The following EVI5 variants were observed in gnomAD, a reference collection of about 807,000 sequenced individuals.
EVI5 encodes the protein ecotropic viral integration site 5.
A neutral mutation model predicts 112.0 loss-of-function variants in EVI5; 73 were observed. The ratio of observed to expected loss-of-function variants is 0.65; its 90% CI spans 0.54 to 0.79. EVI5 has a LOEUF of 0.79. EVI5 is among the 30% of genes least tolerant of loss of function. The probability of loss-of-function intolerance (pLI) is 0.00; values close to 1 mark genes in which losing one functional copy is unlikely to be tolerated. For missense variants in EVI5, 900 were observed against 968.8 expected (o/e 0.93, Z 0.94); for synonymous variants, 305 against 319.9 (o/e 0.95, Z 0.50).
intron 18 of EVI5, among the ~76,000 whole-genome samples, chr1:92,585,060 T>C (rs1351257179): frequency 1.3e-5 from 2 of 151,752 alleles, no homozygotes; most frequent in Non-Finnish European, 2.9e-5. Flanking sequence ...CCCATCTCTA[T>C]TGAAAATTTA....
intron 13 of EVI5, among the ~76,000 whole-genome samples, chr1:92,650,625 A>G (rs967426487): frequency 2.6e-5 from 4 of 152,072 alleles, no homozygotes; most frequent in Non-Finnish European, 5.9e-5. Context: ...TAATATAATT[A>G]TTGATATGGT....
At chr1:92,565,040 T>C (rs1669217487) in intron 18 of EVI5, among the ~76,000 whole-genome samples, 1 of 152,138 alleles carries the variant, frequency 6.6e-6, no homozygotes, top group Non-Finnish European at 1.5e-5. Flanking sequence ...AGATTATTTA[T>C]AATTAGGAAG....
intron 14 of EVI5, among the ~76,000 whole-genome samples, chr1:92,634,717 G>A (rs1012927948): frequency 6.6e-6 from 1 of 152,180 alleles, no homozygotes; most frequent in African/African-American, 2.4e-5. Flanking sequence ...TTCCGGTGCT[G>A]GTGAGGAGCT....
chr1:92,630,976 T>C (rs558386715), intron 14 of EVI5, among the ~76,000 whole-genome samples: 45 of 152,320 alleles, frequency 3.0e-4, no homozygotes, highest in Admixed American at 3.3e-4. Context: ...ATCAGATAGT[T>C]GTAGATATGT....
At chr1:92,640,416 AAAAC>A (rs1387502933) in intron 13 of EVI5, among the ~76,000 whole-genome samples, 1 of 152,052 alleles carries the variant, frequency 6.6e-6, no homozygotes, top group African/African-American at 2.4e-5. Context: ...TTACAAGAGA[AAAAC>A]AACCCCATCA....
intron 1 of EVI5, among the ~76,000 whole-genome samples, chr1:92,765,675 C>G (rs910862672): frequency 9.2e-5 from 14 of 152,078 alleles, no homozygotes; most frequent in African/African-American, 3.1e-4. Context: ...GGATTCCCTA[C>G]CAAACCTAAA....
At chr1:92,613,594 A>AT (rs756291472) in intron 16 of EVI5, among the ~76,000 whole-genome samples, 128 of 151,060 alleles carry the variant, frequency 8.5e-4, no homozygotes, top group Middle Eastern at 3.4e-3. Flanking sequence ...CCAGCCATTT[A>AT]TTTTTTTTTA....
At chr1:92,744,205 T>A (rs900823153) in intron 1 of EVI5, among the ~76,000 whole-genome samples, 2 of 152,212 alleles carry the variant, frequency 1.3e-5, no homozygotes, top group African/African-American at 4.8e-5. Flanking sequence ...GAATACAAGT[T>A]AAGATGTGTT....
chr1:92,606,906 ACACACACACACACACACCCC>A (rs1189329133), intron 17 of EVI5, among the ~76,000 whole-genome samples: 2 of 100,442 alleles, frequency 2.0e-5, no homozygotes, highest in Admixed American at 1.1e-4. Flanking sequence ...ACACACACAC[ACACACACACACACACACCCC>A]CCCAAACCCT....
At chr1:92,725,986 A>C (rs1215693303) in intron 2 of EVI5, among the ~76,000 whole-genome samples, 2 of 152,214 alleles carry the variant, frequency 1.3e-5, no homozygotes, top group African/African-American at 4.8e-5. Flanking sequence ...GATTAATAGC[A>C]ACTTAGATAT....
chr1:92,632,540 T>G (rs1184580550), intron 14 of EVI5, among the ~76,000 whole-genome samples: 2 of 152,134 alleles, frequency 1.3e-5, no homozygotes, highest in African/African-American at 2.4e-5. Context: ...TTATCATTTT[T>G]TATTGCGTCT....
chr1:92,772,798 C>T (rs751780935), intron 1 of EVI5, among the ~76,000 whole-genome samples: 3 of 150,136 alleles, frequency 2.0e-5, no homozygotes, highest in Admixed American at 6.7e-5. Flanking sequence ...CCCAGCTACT[C>T]GGGAGGCTGA....
At position 92,512,264 on chromosome 1, in the gene EVI5, T is replaced by C. The variant is rs199803143; in HGVS notation, c.*1392A>G. 18 of 152,760 alleles carry C rather than the reference T, an allele frequency of 1.2e-4. No individual in the cohort carries two copies. The highest frequency in any genetic ancestry group is 4.3e-4 in the African/African-American group (18 of 41,584). 9.5% of individuals were successfully genotyped at this position (152,760 alleles called of 1,614,324 possible). Reference sequence around the variant, plus strand: ...GTTAATAGATTATTTGTAGATATAATTGCTATGTTTCTTGGACCTTAGCCC... The same window carrying C: ...GTTAATAGATTATTTGTAGATATAACTGCTATGTTTCTTGGACCTTAGCCC... On this transcript the variant is annotated 3_prime_UTR_variant, in exon 20 of 20. Coordinates refer to ENST00000684568, the MANE Select transcript of EVI5 (RefSeq NM_001350197.2).
chr1:92,705,765 T>C (rs980866354), intron 2 of EVI5, among the ~76,000 whole-genome samples: 1 of 152,196 alleles, frequency 6.6e-6, no homozygotes, highest in Non-Finnish European at 1.5e-5. Flanking sequence ...CTTCCAGTAA[T>C]TCTTCAGGAA....
At chr1:92,633,297 T>C (rs1029172005) in intron 14 of EVI5, among the ~76,000 whole-genome samples, 1 of 152,228 alleles carries the variant, frequency 6.6e-6, no homozygotes, top group Non-Finnish European at 1.5e-5. Context: ...ATTATTATTG[T>C]GTGGGAGTCT....
chr1:92,699,367 C>A (rs1670783629), intron 5 of EVI5, among the ~76,000 whole-genome samples: 1 of 152,184 alleles, frequency 6.6e-6, no homozygotes, highest in South Asian at 2.1e-4. Context: ...TTTCTGGAAC[C>A]CATATCCTAC....
At chr1:92,527,087 G>A (rs757785196) in intron 19 of EVI5, among the ~76,000 whole-genome samples, 9 of 152,034 alleles carry the variant, frequency 5.9e-5, no homozygotes, top group African/African-American at 1.4e-4. Context: ...TAGCAAAACC[G>A]CTTGAGAAAA....
At chr1:92,555,587 T>A (rs1667547937) in intron 19 of EVI5, among the ~76,000 whole-genome samples, 1 of 152,128 alleles carries the variant, frequency 6.6e-6, no homozygotes. Flanking sequence ...TGGTGGCTCA[T>A]GCTTGTAATC....
At chr1:92,552,560 C>T (rs1217109573) in intron 19 of EVI5, among the ~76,000 whole-genome samples, 1 of 152,118 alleles carries the variant, frequency 6.6e-6, no homozygotes, top group African/African-American at 2.4e-5. Context: ...GCTTAATATC[C>T]AAGACTGACT....
Sources: gnomAD v4.1 joint callset for allele counts (sites outside exome capture counted in the v4.1 genomes callset) on GRCh38, gnomAD v4.1.1 for gene constraint, MANE v1.5 for transcripts, NCBI Gene and HGNC (gene_info 2026-07-23, HGNC 2026-07-21) for gene names.